RSBN1L: variants seen among roughly 807,000 people sequenced by gnomAD.
The protein encoded by RSBN1L is round spermatid basic protein 1 like, also known as lysine-specific demethylase RSBN1L.
RSBN1L carries 30 observed loss-of-function variants against 67.7 expected under a neutral mutation model. The ratio of observed to expected loss-of-function variants is 0.44; its 90% confidence interval spans 0.33 to 0.60. RSBN1L has a LOEUF of 0.60. RSBN1L is among the 20% of genes least tolerant of loss of function. The pLI, the probability that RSBN1L is intolerant of heterozygous loss-of-function variation, is 0.02. For synonymous variants in RSBN1L, 433 were observed against 387.0 expected, an observed-to-expected ratio of 1.12 and a Z score of -1.39; for missense variants, 992 against 1,031.7, an observed-to-expected ratio of 0.96 and a Z score of 0.53.
intron 6 of RSBN1L, among the ~76,000 whole-genome samples, chr7:77,775,933 G>A (rs1191475239): frequency 6.6e-6 from 1 of 151,920 alleles, no homozygotes; most frequent in African/African-American, 2.4e-5. Flanking sequence ...GCACACACCT[G>A]TAATCCCAGC....
intron 2 of RSBN1L, among the ~76,000 whole-genome samples, chr7:77,737,798 G>A (rs1040882220): frequency 6.6e-6 from 1 of 152,136 alleles, no homozygotes; most frequent in Non-Finnish European, 1.5e-5. Context: ...CGAGGCGGGT[G>A]GATCACTTGA....
chr7:77,719,739 G>C (rs1791091400), intron 1 of RSBN1L, among the ~76,000 whole-genome samples: 1 of 152,114 alleles, frequency 6.6e-6, no homozygotes, highest in Non-Finnish European at 1.5e-5. Flanking sequence ...TGTTATGCCT[G>C]GCATGGTTTT....
chr7:77,731,361 G>A (rs965586211), intron 1 of RSBN1L, among the ~76,000 whole-genome samples: 1 of 151,972 alleles, frequency 6.6e-6, no homozygotes, highest in Non-Finnish European at 1.5e-5. Flanking sequence ...TCAACCTCCC[G>A]AGTAGCTGGG....
intron 1 of RSBN1L, among the ~76,000 whole-genome samples, chr7:77,715,447 G>T (rs1374013189): frequency 6.6e-6 from 1 of 152,016 alleles, no homozygotes; most frequent in African/African-American, 2.4e-5. Context: ...TGGGATTACA[G>T]ATGCCCGCCA....
intron 2 of RSBN1L, among the ~76,000 whole-genome samples, chr7:77,742,301 T>C (rs1471978574): frequency 2.0e-5 from 3 of 151,486 alleles, no homozygotes; most frequent in African/African-American, 7.3e-5. Flanking sequence ...TAGCACTTGG[T>C]GCAATTTCTG....
chr7:77,746,882 C>T (rs939495804), intron 2 of RSBN1L, among the ~76,000 whole-genome samples: 1 of 152,200 alleles, frequency 6.6e-6, no homozygotes, highest in African/African-American at 2.4e-5. Flanking sequence ...TCCCCTTTGA[C>T]TCCATGACCC....
At chr7:77,753,963 T>TGTG (rs1791586666) in intron 3 of RSBN1L, among the ~76,000 whole-genome samples, 1 of 152,180 alleles carries the variant, frequency 6.6e-6, no homozygotes, top group Non-Finnish European at 1.5e-5. Context: ...ATCATATGTG[T>TGTG]GTGGGTCTGT....
At chr7:77,734,944 G>A (rs1051118531) in intron 1 of RSBN1L, among the ~76,000 whole-genome samples, 4 of 151,320 alleles carry the variant, frequency 2.6e-5, no homozygotes, top group South Asian at 4.2e-4. Context: ...GTTTTATCTC[G>A]TTTATTCTCC....
intron 4 of RSBN1L, 165 bp from the exon 5 acceptor site, chr7:77,768,496 A>G: frequency 3.2e-6 from 2 of 629,052 alleles, no homozygotes; most frequent in Non-Finnish European, 5.4e-6. Context: ...TTTTGAAGCA[A>G]AGTATATCAA....
chr7:77,749,503 A>G lies in RSBN1L; in HGVS notation c.783A>G (p.Lys261=). 2 of 1,604,906 alleles carry G rather than the reference A, an allele frequency of 1.2e-6. No individual in the cohort carries two copies. The highest frequency in any genetic ancestry group is 1.7e-6 in the Non-Finnish European group (2 of 1,177,636). Reference sequence around the variant, plus strand: ...AGAAGAAAAAGAAAAAGAAACACAAAGAGAATGAAAAACGGAAGCGTCCGA... The same window carrying G: ...AGAAGAAAAAGAAAAAGAAACACAAGGAGAATGAAAAACGGAAGCGTCCGA... The part of the protein sequence containing the change: ...KVKKKKKKKH[K]ENEKRKRPKM... Residue 261 remains lysine (K), a synonymous_variant, in exon 3 of 8, where the codon AAA becomes AAG. Coordinates refer to ENST00000334955, the MANE Select transcript of RSBN1L (RefSeq NM_198467.3).
intron 1 of RSBN1L, among the ~76,000 whole-genome samples, chr7:77,722,267 GTTA>G (rs1210031215): frequency 3.9e-5 from 6 of 152,116 alleles, no homozygotes; most frequent in Non-Finnish European, 8.8e-5. Flanking sequence ...TTGCCACAGG[GTTA>G]TAGTTTACAT....
chr7:77,768,088 C>G (rs1221645402), intron 4 of RSBN1L, among the ~76,000 whole-genome samples: 2 of 151,342 alleles, frequency 1.3e-5, no homozygotes, highest in Admixed American at 6.6e-5. Flanking sequence ...ATATCTTGAC[C>G]TTGTGATCCG....
intron 2 of RSBN1L, among the ~76,000 whole-genome samples, chr7:77,739,568 C>G (rs1402023877): frequency 6.6e-6 from 1 of 150,964 alleles, no homozygotes; most frequent in Non-Finnish European, 1.5e-5. Flanking sequence ...GAAAAATTAG[C>G]CGGGCGTGGT....
chr7:77,722,652 A>G (rs1791134881), intron 1 of RSBN1L, among the ~76,000 whole-genome samples: 1 of 151,912 alleles, frequency 6.6e-6, no homozygotes. Context: ...ATCATTTTGT[A>G]ATGTAACTGC....
rs535205176 is a variant in RSBN1L at position 77,708,352 on chromosome 7, C to T, written c.586+11297C>T. Reference sequence around the variant, plus strand: ...GATGGCATGGCAGTTGAAAGTTGGCCACAGTGTGCCTTCCTTTTGCCAGGA... The same window carrying T: ...GATGGCATGGCAGTTGAAAGTTGGCTACAGTGTGCCTTCCTTTTGCCAGGA... On this transcript the variant is annotated intron_variant, in intron 1 of 7. Coordinates refer to ENST00000334955, the MANE Select transcript of RSBN1L (RefSeq NM_198467.3). Among the ~76,000 whole-genome samples the T allele has an allele frequency of 1.8e-4, 27 of 151,218 alleles. No homozygotes were observed. In the South Asian group the frequency reaches 4.8e-3, roughly 27 times the overall value.
In RSBN1L at chr7:77,762,049, G is replaced by A. The variant is rs572391740; in HGVS notation, c.1345-3446G>A. ...GGATTTATTTTTGGTTTTATTAGTGGGCAAATGGCATCTACCTGTACATTC... is the reference window on the plus strand; with the variant it reads ...GGATTTATTTTTGGTTTTATTAGTGAGCAAATGGCATCTACCTGTACATTC... On this transcript the variant is annotated intron_variant, in intron 3 of 7. Transcript: ENST00000334955. 5.9e-5 allele frequency among the ~76,000 whole-genome samples: 9 copies of A among 152,088 alleles called. No individual in the cohort carries two copies. In the South Asian group the frequency reaches 1.9e-3, roughly 32 times the overall value.
intron 1 of RSBN1L, among the ~76,000 whole-genome samples, chr7:77,727,527 A>G (rs1791222470): frequency 1.3e-5 from 2 of 152,118 alleles, no homozygotes; most frequent in South Asian, 4.1e-4. Context: ...TATTTTTTTC[A>G]AGACAGACTC....
chr7:77,767,070 T>TCCCTTC (rs1201889104), intron 4 of RSBN1L, among the ~76,000 whole-genome samples: 3 of 124,808 alleles, frequency 2.4e-5, no homozygotes, highest in African/African-American at 6.1e-5. Flanking sequence ...CCTTTCCCCT[T>TCCCTTC]CCCTTCCCCT....
At chr7:77,766,232 G>T (rs1374307599) in intron 4 of RSBN1L, among the ~76,000 whole-genome samples, 1 of 152,182 alleles carries the variant, frequency 6.6e-6, no homozygotes. Flanking sequence ...CTCACTCTCT[G>T]CCCAGGCTGG....
Sources: gnomAD v4.1 joint callset for allele counts (sites outside exome capture counted in the v4.1 genomes callset) on GRCh38, gnomAD v4.1.1 for gene constraint, MANE v1.5 for transcripts, NCBI Gene and HGNC (gene_info 2026-07-23, HGNC 2026-07-21) for gene names.